LGSN: variants seen among roughly 807,000 people sequenced by gnomAD.
The protein encoded by LGSN is lengsin.
Under a neutral mutation model 19.5 loss-of-function variants are expected in LGSN, and 21 were observed. The observed-to-expected ratio is 1.07, with a 90% CI of 0.76 to 1.55. The LOEUF (loss-of-function observed/expected upper bound fraction) is 1.55, where lower values mean the gene tolerates loss of function less well. LGSN is among the 40% of genes most tolerant of loss of function. LGSN has a pLI of 0.00. For missense variants in LGSN, 673 were observed against 608.5 expected, an observed-to-expected ratio of 1.11 and a Z score of -1.12; for synonymous variants, 257 against 215.6, an observed-to-expected ratio of 1.19 and a Z score of -1.68.
chr6:63,420,804 T>G, the LGSN span, among the ~76,000 whole-genome samples: 26 of 152,246 alleles, frequency 1.7e-4, no homozygotes, highest in Middle Eastern at 3.4e-3. Flanking sequence ...TCATACATAA[T>G]GTAACTACCT....
the LGSN span, among the ~76,000 whole-genome samples, chr6:63,401,600 C>T: frequency 4.6e-5 from 7 of 152,134 alleles, no homozygotes; most frequent in East Asian, 1.9e-4. Context: ...AAATTTAAAC[C>T]GATGTATTCA....
the LGSN span, among the ~76,000 whole-genome samples, chr6:63,503,645 C>T: frequency 9.9e-5 from 15 of 152,262 alleles, no homozygotes; most frequent in South Asian, 3.1e-3. Context: ...CCAGGCACAG[C>T]GGCTCATGCC....
chr6:63,281,330 T>TAA lies in LGSN; in HGVS notation c.331-112_331-111dup, dbSNP rs1554170061. 1.4e-3 allele frequency: 211 copies of TAA among 149,506 alleles called. 2 individuals carry two copies. The highest frequency in any genetic ancestry group is 5.4e-3 in the African/African-American group (196 of 36,446). 9.3% of individuals were successfully genotyped at this position (149,506 alleles called of 1,614,324 possible). A position where few individuals can be genotyped will look rare whatever the true frequency, so the allele number is the denominator to read the frequency against. On this transcript the variant is annotated intron_variant, in intron 3 of 3. Transcript: ENST00000370657. The stretch of plus-strand genomic sequence containing the variant: ...ATATATATATATATATATATATATA[T>TAA]AATAAATATATATATATATGTTTAA...
rs748719212 is a variant in LGSN at position 63,295,043 on chromosome 6, G to A, written c.33C>T (p.Asp11=). The change falls in exon 2 of 4, where the codon GAC becomes GAT. Residue 11 remains aspartate, a splice_region_variant and synonymous_variant. Transcript: ENST00000370657. ...TCTCATTGCCTTCATCTCTTGTTGA[G>A]TCCTGTTGATAATTAATAAACAAAA... MNNEEDLLQE[D]STRDEGNETE... The A allele has an allele frequency of 3.1e-6, 5 of 1,612,322 alleles. No homozygotes were observed. Among genetic ancestry groups the A allele is most frequent in the Non-Finnish European group, 4.2e-6 (5 of 1,178,928 alleles).
chr6:63,430,752 T>C, the LGSN span, among the ~76,000 whole-genome samples: 2 of 152,078 alleles, frequency 1.3e-5, no homozygotes, highest in Non-Finnish European at 2.9e-5. Flanking sequence ...AACAAATACA[T>C]ATAGAATTTT....
At chr6:63,452,621 C>G in the LGSN span, among the ~76,000 whole-genome samples, 1 of 150,952 alleles carries the variant, frequency 6.6e-6, no homozygotes, top group African/African-American at 2.4e-5. Flanking sequence ...AATGATGTCC[C>G]CGATTTTATT....
At chr6:63,494,726 C>T in the LGSN span, among the ~76,000 whole-genome samples, 1 of 152,162 alleles carries the variant, frequency 6.6e-6, no homozygotes, top group East Asian at 1.9e-4. Context: ...CCCAGCTGTT[C>T]TGTTTCTAAA....
At chr6:63,376,401 A>C in the LGSN span, among the ~76,000 whole-genome samples, 5 of 152,304 alleles carry the variant, frequency 3.3e-5, no homozygotes, top group East Asian at 9.6e-4. Context: ...TTTCTTAATC[A>C]ATACTTTCTA....
At chr6:63,552,361 A>G in the LGSN span, among the ~76,000 whole-genome samples, 29 of 151,792 alleles carry the variant, frequency 1.9e-4, no homozygotes, top group African/African-American at 4.3e-4. Context: ...CATGTCCTTT[A>G]CCCACTTTTT....
the LGSN span, among the ~76,000 whole-genome samples, chr6:63,427,645 C>A: frequency 3.9e-5 from 6 of 152,258 alleles, no homozygotes; most frequent in African/African-American, 1.4e-4. Context: ...ACTCTCTAAG[C>A]CTTTTCCCAG....
chr6:63,505,621 G>GAAAGAAATAAATAAAT, the LGSN span, among the ~76,000 whole-genome samples: 1 of 97,856 alleles, frequency 1.0e-5, no homozygotes, highest in African/African-American at 3.7e-5. Flanking sequence ...AAGAAAGAAA[G>GAAAGAAATAAATAAAT]AAAGAAAGAA....
chr6:63,383,569 A>G, the LGSN span, among the ~76,000 whole-genome samples: 1 of 152,150 alleles, frequency 6.6e-6, no homozygotes, highest in Non-Finnish European at 1.5e-5. Flanking sequence ...TTATGCCCTC[A>G]TAAATAAAAA....
the LGSN span, among the ~76,000 whole-genome samples, chr6:63,354,636 G>T: frequency 6.6e-6 from 1 of 151,990 alleles, no homozygotes; most frequent in African/African-American, 2.4e-5. Flanking sequence ...TCACTACTGG[G>T]CAATTATCCA....
At chr6:63,477,788 C>G in the LGSN span, among the ~76,000 whole-genome samples, 117 of 143,256 alleles carry the variant, frequency 8.2e-4, no homozygotes, top group Middle Eastern at 0.011. Context: ...CCTTCCTTGG[C>G]CTTTCAAAGT....
chr6:63,463,139 C>T, the LGSN span, among the ~76,000 whole-genome samples: 1 of 152,170 alleles, frequency 6.6e-6, no homozygotes, highest in Admixed American at 6.6e-5. Flanking sequence ...TGGCAAATAT[C>T]TTAACCTCTC....
chr6:63,377,913 C>CAAAAAAA, the LGSN span, among the ~76,000 whole-genome samples: 2 of 54,310 alleles, frequency 3.7e-5, no homozygotes, highest in African/African-American at 6.4e-5. Flanking sequence ...GACTCCATCT[C>CAAAAAAA]AAAAAAAAAA....
the LGSN span, among the ~76,000 whole-genome samples, chr6:63,454,302 G>T: frequency 4.6e-5 from 7 of 151,970 alleles, no homozygotes; most frequent in Non-Finnish European, 7.4e-5. Context: ...CCTTGGATAG[G>T]TACTGGAGAA....
intron 1 of LGSN, among the ~76,000 whole-genome samples, chr6:63,302,660 G>T (rs941164232): frequency 6.6e-6 from 1 of 152,206 alleles, no homozygotes; most frequent in Admixed American, 6.5e-5. Context: ...TGAGGTTCAT[G>T]GTTCAAGTCA....
chr6:63,556,497 C>T, the LGSN span, among the ~76,000 whole-genome samples: 17 of 152,212 alleles, frequency 1.1e-4, no homozygotes, highest in African/African-American at 4.1e-4. Flanking sequence ...AACAACTTAA[C>T]GATATTATGG....
Sources: allele counts gnomAD v4.1 joint callset (sites outside exome capture counted in the v4.1 genomes callset), GRCh38; gene constraint gnomAD v4.1.1; transcripts MANE v1.5; gene names NCBI Gene and HGNC (gene_info 2026-07-23, HGNC 2026-07-21).